The following CTDSPL variants were observed in gnomAD, a reference collection of about 807,000 sequenced individuals.
The protein encoded by CTDSPL is CTD small phosphatase like.
CTDSPL carries 8 observed loss-of-function variants against 30.5 expected under a neutral mutation model. The observed-to-expected ratio is 0.26, with a 90% CI of 0.15 to 0.47. The LOEUF is 0.47. Among genes scored for constraint, CTDSPL ranks in the 20% least tolerant of loss-of-function variants. CTDSPL has a pLI of 0.99. For synonymous variants in CTDSPL, 110 were observed against 137.9 expected (o/e 0.80, Z 1.42); for missense variants, 248 against 366.1 (o/e 0.68, Z 2.63).
At chr3:37,979,429 C>T (rs1405122565) in intron 7 of CTDSPL, among the ~76,000 whole-genome samples, 1 of 151,972 alleles carries the variant, frequency 6.6e-6, no homozygotes, top group Non-Finnish European at 1.5e-5. Context: ...ATGGTGAAAC[C>T]CTGTCTCTAC....
In CTDSPL at chr3:37,983,776, G is replaced by A. The variant is rs1216788143; in HGVS notation, c.*2909G>A. ...GTTCTGGAATCCTACGTGTTGGTCTGTGGTTCCATGCATTAGCTGTTTGTA... is the reference window on the plus strand; with the variant it reads ...GTTCTGGAATCCTACGTGTTGGTCTATGGTTCCATGCATTAGCTGTTTGTA... On this transcript the variant is annotated 3_prime_UTR_variant, in exon 8 of 8. Transcript: ENST00000273179. 1.2e-5 allele frequency: 2 copies of A among 162,890 alleles called. No homozygotes were observed. The highest frequency in any genetic ancestry group is 1.2e-4 in the Admixed American group (2 of 17,358). The allele number at this position is 162,890 out of a possible 1,614,324, so 10.1% of individuals were successfully genotyped here. A position where few individuals can be genotyped will look rare whatever the true frequency, so the allele number is the denominator to read the frequency against.
At chr3:37,895,151 A>G (rs941623376) in intron 1 of CTDSPL, among the ~76,000 whole-genome samples, 9 of 150,158 alleles carry the variant, frequency 6.0e-5, no homozygotes, top group African/African-American at 2.2e-4. Flanking sequence ...GAGACTCTGG[A>G]TTCTATTATA....
At chr3:37,907,431 C>G (rs972549538) in intron 1 of CTDSPL, among the ~76,000 whole-genome samples, 5 of 152,148 alleles carry the variant, frequency 3.3e-5, no homozygotes, top group African/African-American at 1.2e-4. Flanking sequence ...GCAATTTTCT[C>G]TCTAAGGAAA....
At chr3:37,917,106 G>A (rs1221460165) in intron 1 of CTDSPL, among the ~76,000 whole-genome samples, 2 of 152,194 alleles carry the variant, frequency 1.3e-5, no homozygotes, top group East Asian at 3.8e-4. Flanking sequence ...TTTATTGAAT[G>A]GGCAGTACAC....
chr3:37,936,656 T>TAA (rs577097327), intron 1 of CTDSPL, among the ~76,000 whole-genome samples: 3,353 of 94,656 alleles, frequency 0.035, 175 homozygotes, highest in African/African-American at 0.11. Context: ...TCTCCCCAGT[T>TAA]AAAAAAAAAA....
Position 37,964,578 on chromosome 3 carries a change from C to T in CTDSPL, c.275C>T (p.Ala92Val), listed in dbSNP as rs1295632700. 1.2e-6 allele frequency: 2 copies of T among 1,612,738 alleles called. No homozygotes were observed. Among genetic ancestry groups the T allele is most frequent in the Admixed American group, 3.3e-5 (2 of 59,930 alleles). Reference sequence around the variant, plus strand: ...TTTATTTTTCCCCTTTAGCCACCAGCTAAGTACCTTCTTCCAGAGGTGACG... The same window carrying T: ...TTTATTTTTCCCCTTTAGCCACCAGTTAAGTACCTTCTTCCAGAGGTGACG... ...RQVIPIPSPP[A>V]KYLLPEVTVL... Residue 92 changes from alanine to valine, a missense_variant, in exon 4 of 8, where the codon GCT (alanine) becomes GTT (valine). This residue lies in a region of CTDSPL where 118 missense variants were observed against 124.7 expected (regional missense o/e 0.95). Coordinates refer to ENST00000273179, the MANE Select transcript of CTDSPL (RefSeq NM_001008392.2).
At chr3:37,953,461 C>CCA (rs1427376971) in intron 2 of CTDSPL, among the ~76,000 whole-genome samples, 3 of 152,122 alleles carry the variant, frequency 2.0e-5, no homozygotes, top group Non-Finnish European at 2.9e-5. Flanking sequence ...GAAATGTAAT[C>CCA]CACATATTCA....
At chr3:37,910,497 A>G (rs185013217) in intron 1 of CTDSPL, among the ~76,000 whole-genome samples, 223 of 152,216 alleles carry the variant, frequency 1.5e-3, no homozygotes, top group Non-Finnish European at 2.4e-3. Flanking sequence ...AACAACAACA[A>G]AAAAACAAAA....
At chr3:37,931,481 G>C (rs1027684363) in intron 1 of CTDSPL, among the ~76,000 whole-genome samples, 1 of 152,072 alleles carries the variant, frequency 6.6e-6, no homozygotes, top group Non-Finnish European at 1.5e-5. Context: ...TGTGTCTTTT[G>C]ATTGGGGAGT....
chr3:37,968,040 C>T (rs907444930), intron 5 of CTDSPL, among the ~76,000 whole-genome samples, 158 bp downstream of exon 5: 1 of 151,956 alleles, frequency 6.6e-6, no homozygotes, highest in Non-Finnish European at 1.5e-5. Flanking sequence ...TTTTTTCACT[C>T]CAATGAATTT....
chr3:37,888,871 G>A (rs6785992), intron 1 of CTDSPL, among the ~76,000 whole-genome samples: 1,786 of 152,266 alleles, frequency 0.012, 33 homozygotes, highest in African/African-American at 0.04. Context: ...CACCAGCCAG[G>A]GCAGGCTGAA....
rs1196371949 is a variant in CTDSPL, at chr3:37,984,171, G to C, written c.*3304G>C. 6.6e-6 allele frequency: 3 copies of C among 455,938 alleles called. No individual in the cohort carries two copies. The highest frequency in any genetic ancestry group is 3.1e-5 in the South Asian group (2 of 64,550). 28.2% of individuals were successfully genotyped at this position (455,938 alleles called of 1,614,324 possible). ...TGGCTTGACGTACTTGCAGTTAACT[G>C]TGCAAAATTGGCTGGCTGCCTCTGT... On this transcript the variant is annotated 3_prime_UTR_variant, in exon 8 of 8. Coordinates refer to ENST00000273179, the MANE Select transcript of CTDSPL (RefSeq NM_001008392.2).
At chr3:37,964,001 T>C (rs1308136937) in intron 3 of CTDSPL, among the ~76,000 whole-genome samples, 1 of 138,734 alleles carries the variant, frequency 7.2e-6, no homozygotes, top group African/African-American at 2.8e-5. Flanking sequence ...GCCTATAGTT[T>C]GTCTTCAAGT....
At position 37,974,568 on chromosome 3, in the gene CTDSPL, G is replaced by A. The variant is rs936969000; in HGVS notation, c.520-1141G>A. 9.9e-5 allele frequency among the ~76,000 whole-genome samples: 15 copies of A among 152,190 alleles called. No individual in the cohort carries two copies. In the East Asian group the frequency reaches 2.9e-3, roughly 29 times the overall value. ...CTTCCAGGCCTAGCCACTCAGTATG[G>A]CCCACTCTTTTAGGTATCTTCAGTT... On this transcript the variant is annotated intron_variant, in intron 6 of 7. Coordinates refer to ENST00000273179, the MANE Select transcript of CTDSPL (RefSeq NM_001008392.2).
At position 37,957,085 on chromosome 3, in the gene CTDSPL, A is replaced by G. The variant is rs762645179; in HGVS notation, c.235-26A>G. ...TATGATCTTCTCTTCGAACCTGACA[A>G]TGATTTTTTTTTTCTTTTTCCTCAG... On this transcript the variant is annotated intron_variant, in intron 2 of 7. Transcript: ENST00000273179. The G allele has an allele frequency of 6.9e-6, 11 of 1,592,582 alleles. No individual in the cohort carries two copies. The African/African-American group carries it at 1.2e-4, about 18-fold the overall frequency.
intron 1 of CTDSPL, among the ~76,000 whole-genome samples, chr3:37,928,040 T>C (rs1315808573): frequency 6.6e-6 from 1 of 152,210 alleles, no homozygotes; most frequent in Non-Finnish European, 1.5e-5. Flanking sequence ...TGAATAATAT[T>C]CCTCCATCTA....
intron 1 of CTDSPL, chr3:37,911,930 C>T (rs186857471): frequency 4.2e-5 from 11 of 262,142 alleles, no homozygotes; most frequent in South Asian, 7.1e-5. Flanking sequence ...GGCGTGGTGG[C>T]GGGCGCCTGC....
In CTDSPL at chr3:37,888,927, G is replaced by A. The variant is rs147696624; in HGVS notation, c.79+26649G>A. Among the ~76,000 whole-genome samples the A allele has an allele frequency of 1.4e-3, 206 of 152,360 alleles. 1 individual carries two copies. The highest frequency in any genetic ancestry group is 4.6e-3 in the African/African-American group (192 of 41,582). On this transcript the variant is annotated intron_variant, in intron 1 of 7. Transcript: ENST00000273179. ...ACTTGTTAGCCTACCATTTTCCTTA[G>A]CAAGAAGCTGCTGTGGAATGAGTTC...
In CTDSPL at chr3:37,862,858, G is replaced by A. The variant is rs371247669; in HGVS notation, c.79+580G>A. ...TGTTCACTCCTGACAGAGTTTGTGA[G>A]TGTGTATGATTGTGTGACTACACCA... On this transcript the variant is annotated intron_variant, in intron 1 of 7. Coordinates refer to ENST00000273179, the MANE Select transcript of CTDSPL (RefSeq NM_001008392.2). This position sits in a 1 kb window ranked among gnomAD's most constrained non-coding sequence, Gnocchi z 4.3. Among the ~76,000 whole-genome samples the A allele has an allele frequency of 4.6e-5, 7 of 152,332 alleles. No homozygotes were observed. The South Asian group carries it at 1.2e-3, about 27-fold the overall frequency.
Sources: allele counts gnomAD v4.1 joint callset (sites outside exome capture counted in the v4.1 genomes callset), GRCh38; gene constraint gnomAD v4.1.1; regional missense constraint gnomAD v4.1.1; non-coding constraint Gnocchi (gnomAD v3.1); transcripts MANE v1.5; gene names NCBI Gene and HGNC (gene_info 2026-07-23, HGNC 2026-07-21).